The following GNAL variants were observed in gnomAD, a reference collection of about 807,000 sequenced individuals.
The protein encoded by GNAL is G protein subunit alpha L.
In GNAL, 18 loss-of-function variants were observed where a neutral mutation model predicts 55.1. The observed-to-expected ratio is 0.33, with a 90% CI of 0.23 to 0.48. The LOEUF (loss-of-function observed/expected upper bound fraction) is 0.48, where lower values mean the gene tolerates loss of function less well. GNAL is among the 20% of genes least tolerant of loss of function. GNAL has a pLI of 0.99. For missense variants in GNAL, 412 were observed against 614.1 expected (o/e 0.67, Z 3.48); for synonymous variants, 253 against 237.0 (o/e 1.07, Z -0.62).
intron 1 of GNAL, among the ~76,000 whole-genome samples, chr18:11,740,844 G>T (rs528363472): frequency 1.3e-5 from 2 of 152,294 alleles, no homozygotes; most frequent in East Asian, 3.9e-4. Flanking sequence ...ACCATGCAAT[G>T]CAAACATAGA....
intron 1 of GNAL, among the ~76,000 whole-genome samples, chr18:11,708,206 G>C (rs1298322672): frequency 6.6e-6 from 1 of 152,138 alleles, no homozygotes; most frequent in Admixed American, 6.6e-5. Context: ...TCCTCAGTAA[G>C]CTTAATCATT....
intron 5 of GNAL, among the ~76,000 whole-genome samples, chr18:11,825,759 C>T (rs1264623545): frequency 1.7e-5 from 1 of 57,622 alleles, no homozygotes; most frequent in Non-Finnish European, 5.0e-5. Flanking sequence ...AGGAAAAGGA[C>T]ACTTGGTGCC....
At chr18:11,875,124 G>A (rs1006589589) in intron 10 of GNAL, among the ~76,000 whole-genome samples, 12 of 152,174 alleles carry the variant, frequency 7.9e-5, no homozygotes, top group Non-Finnish European at 1.6e-4. Flanking sequence ...ATGCCTGAGT[G>A]GGGAGCAGGA....
At chr18:11,855,674 T>A (rs1028503641) in intron 5 of GNAL, among the ~76,000 whole-genome samples, 4 of 152,016 alleles carry the variant, frequency 2.6e-5, no homozygotes, top group Admixed American at 6.6e-5. Context: ...CTGTCTTTGA[T>A]TTGGAAAAGA....
intron 4 of GNAL, among the ~76,000 whole-genome samples, chr18:11,771,780 T>A (rs1324310612): frequency 6.6e-6 from 1 of 152,098 alleles, no homozygotes; most frequent in Non-Finnish European, 1.5e-5. Context: ...AGTGGTGCGA[T>A]CTCAGCTCAC....
chr18:11,875,927 C>T (rs1246206773), intron 10 of GNAL, among the ~76,000 whole-genome samples: 2 of 152,142 alleles, frequency 1.3e-5, no homozygotes, highest in African/African-American at 2.4e-5. Flanking sequence ...GGCACTGTCT[C>T]ATTTCCTCCT....
chr18:11,756,160 A>G (rs2033049322), intron 4 of GNAL, among the ~76,000 whole-genome samples: 1 of 152,142 alleles, frequency 6.6e-6, no homozygotes, highest in African/African-American at 2.4e-5. Context: ...TTCAACCCCA[A>G]ATCCAGAAAC....
chr18:11,740,666 T>G (rs1370002530), intron 1 of GNAL, among the ~76,000 whole-genome samples: 1 of 152,240 alleles, frequency 6.6e-6, no homozygotes, highest in Non-Finnish European at 1.5e-5. Flanking sequence ...CTGAAAATCC[T>G]GGCTCTCATT....
intron 1 of GNAL, among the ~76,000 whole-genome samples, chr18:11,748,126 G>A (rs1184049444): frequency 6.6e-6 from 1 of 152,222 alleles, no homozygotes; most frequent in Non-Finnish European, 1.5e-5. Flanking sequence ...AGGTGATTGG[G>A]TTAAAAATTT....
intron 9 of GNAL, among the ~76,000 whole-genome samples, chr18:11,870,831 G>C (rs537810348): frequency 6.6e-6 from 1 of 152,322 alleles, no homozygotes; most frequent in East Asian, 1.9e-4. Context: ...TATCAGAAAA[G>C]TGTTTTTGTA....
At chr18:11,878,221 C>T (rs1450637028) in intron 11 of GNAL, among the ~76,000 whole-genome samples, 2 of 152,188 alleles carry the variant, frequency 1.3e-5, no homozygotes, top group African/African-American at 4.8e-5. Flanking sequence ...GAGGCCAAGG[C>T]AGGTGGATCA....
At chr18:11,709,633 G>C (rs1598405663) in intron 1 of GNAL, among the ~76,000 whole-genome samples, 2 of 152,190 alleles carry the variant, frequency 1.3e-5, no homozygotes, top group South Asian at 4.1e-4. Context: ...AACTGCAACT[G>C]ATTTTATACA....
At position 11,884,524 on chromosome 18, in the gene GNAL, AG is replaced by A. The variant is rs2036883236; in HGVS notation, c.*3391del. ...TAGAAGCCCAAAGTGAGTGAGTGTG[AG>A]GACCACAAGGAAGCCCACCACTCCA... On this transcript the variant is annotated 3_prime_UTR_variant, in exon 12 of 12. Transcript: ENST00000334049. 1.2e-6 allele frequency: 2 copies of A among 1,614,144 alleles called. No homozygotes were observed.
chr18:11,876,156 A>C (rs913877261), intron 10 of GNAL, among the ~76,000 whole-genome samples: 6 of 152,226 alleles, frequency 3.9e-5, no homozygotes, highest in African/African-American at 1.4e-4. Context: ...AATAACTATT[A>C]AAATGATGTA....
chr18:11,714,602 T>C (rs981849259), intron 1 of GNAL, among the ~76,000 whole-genome samples: 3 of 152,222 alleles, frequency 2.0e-5, no homozygotes, highest in Non-Finnish European at 4.4e-5. Flanking sequence ...GTCCTGTACC[T>C]GTGAAGATAC....
intron 4 of GNAL, among the ~76,000 whole-genome samples, chr18:11,822,640 A>G (rs1324781423): frequency 1.3e-5 from 2 of 151,832 alleles, no homozygotes; most frequent in African/African-American, 4.8e-5. Flanking sequence ...AAAAAGATCA[A>G]TTTCTCAACC....
chr18:11,695,717 T>C (rs2031385258), intron 1 of GNAL, among the ~76,000 whole-genome samples: 1 of 152,254 alleles, frequency 6.6e-6, no homozygotes, highest in East Asian at 1.9e-4. Flanking sequence ...TTTGTCTTTT[T>C]TCCTTTTTTC....
At chr18:11,825,064 G>GCC (rs2143651246) in intron 5 of GNAL, 49 bp downstream of exon 5, 299 of 787,872 alleles carry the variant, frequency 3.8e-4, no homozygotes, top group Non-Finnish European at 5.6e-4. Context: ...GAATATGATT[G>GCC]CATGCATGAT....
chr18:11,747,941 G>A (rs1324539114), intron 1 of GNAL, among the ~76,000 whole-genome samples: 1 of 152,112 alleles, frequency 6.6e-6, no homozygotes, highest in Non-Finnish European at 1.5e-5. Context: ...TGCTGCTGCT[G>A]CGGTTGCCTA....
Sources: allele counts gnomAD v4.1 joint callset (sites outside exome capture counted in the v4.1 genomes callset), GRCh38; gene constraint gnomAD v4.1.1; transcripts MANE v1.5; gene names NCBI Gene and HGNC (gene_info 2026-07-23, HGNC 2026-07-21).